The following DPEP2 variants were observed in gnomAD, a reference collection of about 807,000 sequenced individuals.
DPEP2 encodes the protein dipeptidase 2.
A neutral mutation model predicts 51.8 loss-of-function variants in DPEP2; 45 were observed. The observed-to-expected ratio is 0.87, with a 90% CI of 0.68 to 1.11. The LOEUF (loss-of-function observed/expected upper bound fraction) is 1.11, where lower values mean the gene tolerates loss of function less well. Among genes scored for constraint, DPEP2 ranks in the 50% most tolerant of loss-of-function variants. The pLI, the probability that DPEP2 is intolerant of heterozygous loss-of-function variation, is 0.00. For missense variants in DPEP2, 604 were observed against 631.9 expected, an observed-to-expected ratio of 0.96 and a Z score of 0.47; for synonymous variants, 255 against 262.7, an observed-to-expected ratio of 0.97 and a Z score of 0.28.
In DPEP2 at chr16:67,989,318, C is replaced by T. The variant is rs756041659; in HGVS notation, c.1070+5G>A. 6.2e-7 allele frequency: 1 copy of T among 1,614,162 alleles called. No homozygotes were observed. Among genetic ancestry groups the T allele is most frequent in the Admixed American group, 1.7e-5 (1 of 60,026 alleles). On this transcript the variant is annotated splice_donor_5th_base_variant and intron_variant, in intron 9 of 10. Transcript: ENST00000393847. ...CCCAAGACAAGCCACAGGGAAGGCA[C>T]TCACTTGCCGGCCCCATCATAATCT... is the stretch of plus-strand genomic sequence containing the variant.
At chr16:68,000,328 C>T (rs2032947935), upstream of DPEP2, 1 of 562,844 alleles carries the variant, frequency 1.8e-6, no homozygotes, top group Non-Finnish European at 2.3e-6. Flanking sequence ...CTCACTCGCC[C>T]CTACTCATCT....
In DPEP2 at chr16:67,994,893, G is replaced by A. The variant is rs369768902; in HGVS notation, c.-45-1636C>T. 2.4e-4 allele frequency: 238 copies of A among 985,440 alleles called. 6 individuals carry two copies. The South Asian group carries it at 9.2e-3, about 38-fold the overall frequency. The allele number at this position is 985,440 out of a possible 1,614,324, so 61.0% of individuals were successfully genotyped here. ...GTTAACTGTCACGTCTACTGCTGCC[G>A]AAGGGGGTCTTTTTTTGTTTGTTTT... On this transcript the variant is annotated intron_variant, in intron 1 of 10. Coordinates refer to ENST00000393847, the MANE Select transcript of DPEP2 (RefSeq NM_022355.4).
At chr16:67,995,588 C>T (rs2032642491) in intron 1 of DPEP2, among the ~76,000 whole-genome samples, 2 of 152,212 alleles carry the variant, frequency 1.3e-5, no homozygotes, top group African/African-American at 4.8e-5. Context: ...TGGGGATAAA[C>T]AGTTTATTCT....
chr16:67,997,551 T>C (rs889105870), intron 1 of DPEP2, among the ~76,000 whole-genome samples: 1 of 151,738 alleles, frequency 6.6e-6, no homozygotes, highest in Admixed American at 6.6e-5. Flanking sequence ...AGAGACGGGG[T>C]TTCACCGTGT....
intron 1 of DPEP2, chr16:67,993,580 GCT>G (rs750002135): frequency 2.0e-6 from 2 of 1,022,320 alleles, no homozygotes; most frequent in Non-Finnish European, 2.3e-6. Context: ...CTGCCCCTAG[GCT>G]CTCTCTCTAA....
At position 67,991,120 on chromosome 16, in the gene DPEP2, C is replaced by A; in HGVS notation, c.727G>T (p.Gly243Cys). ...YNNISGLTDF[G>C]EKVVAEMNRL... ...GTGTGAACCAGGGTCCTCACCTCAC[C>A]AAAGTCAGTCAGCCCGCTGATGTTG... The change falls in exon 6 of 11, where the codon GGT becomes TGT. Residue 243 changes from glycine (G) to cysteine (C), a missense_variant. By Grantham distance (159) the Gly-to-Cys change is radical. Coordinates refer to ENST00000393847, the MANE Select transcript of DPEP2 (RefSeq NM_022355.4). This position sits in a 1 kb window ranked among gnomAD's most constrained non-coding sequence, Gnocchi z 5.1. The A allele has an allele frequency of 1.2e-6, 2 of 1,614,202 alleles. No homozygotes were observed. Among genetic ancestry groups the A allele is most frequent in the Admixed American group, 3.3e-5 (2 of 60,026 alleles).
intron 1 of DPEP2, among the ~76,000 whole-genome samples, chr16:67,995,999 CAACAAA>C: frequency 6.6e-6 from 1 of 151,912 alleles, no homozygotes. Context: ...ACAACAACAA[CAACAAA>C]AATCACTATG....
chr16:67,989,504 C>T, intron 8 of DPEP2, 106 bp from the exon 9 acceptor site: 2 of 1,190,008 alleles, frequency 1.7e-6, no homozygotes, highest in African/African-American at 1.5e-5. Context: ...GTGGGCCAGG[C>T]AGGCTAATTC....
chr16:67,990,855 G>C lies in DPEP2; in HGVS notation c.875C>G (p.Ala292Gly). 6.2e-7 allele frequency: 1 copy of C among 1,614,076 alleles called. No individual in the cohort carries two copies. ...CAGGATGTCATCAGGAACATTCCGA[G>C]CACTGTTGCACACACCCCGGGCAGC... ...HSAARGVCNS[A>G]RNVPDDILQL... Residue 292 changes from alanine (A) to glycine (G), a missense_variant, in exon 7 of 11, where the codon GCT (alanine) becomes GGT (glycine). Transcript: ENST00000393847.
At position 67,994,050 on chromosome 16, in the gene DPEP2, T is replaced by C. The variant is rs1165621619; in HGVS notation, c.-45-793A>G. 3.0e-6 allele frequency: 3 copies of C among 985,518 alleles called. No homozygotes were observed. In the African/African-American group the frequency reaches 5.2e-5, roughly 17 times the overall value. 61.0% of individuals were successfully genotyped at this position (985,518 alleles called of 1,614,324 possible). On this transcript the variant is annotated intron_variant, in intron 1 of 10. Transcript: ENST00000393847. Reference sequence around the variant, plus strand: ...GAGGGATGAGAGCGCAGCAAGCATCTGGCCACTGCCAGGGAACATTCACTC... The same window carrying C: ...GAGGGATGAGAGCGCAGCAAGCATCCGGCCACTGCCAGGGAACATTCACTC...
At chr16:67,998,007 G>A (rs956822078) in intron 1 of DPEP2, among the ~76,000 whole-genome samples, 1 of 152,172 alleles carries the variant, frequency 6.6e-6, no homozygotes, top group Non-Finnish European at 1.5e-5. Flanking sequence ...GCTCAGGTCT[G>A]TGCCACTGAT....
chr16:67,990,061 A>G lies in DPEP2; in HGVS notation c.980T>C (p.Val327Ala). The change falls in exon 8 of 11, where the codon GTG becomes GCG. Residue 327 changes from valine (V) to alanine (A), a missense_variant. Val to Ala is a moderately conservative substitution (Grantham distance 64). Coordinates refer to ENST00000393847, the MANE Select transcript of DPEP2 (RefSeq NM_022355.4). Reference protein sequence around the residue: ...GVIQCNPSANVSTVADHFDHI... With the variant: ...GVIQCNPSANASTVADHFDHI... ...GAGGGAGTTACCTGCCACAGTGGAC[A>G]CATTGGCTGATGGGTTGCACTGTAT... 6.2e-7 allele frequency: 1 copy of G among 1,614,224 alleles called. No individual in the cohort carries two copies. Among genetic ancestry groups the G allele is most frequent in the Non-Finnish European group, 8.5e-7 (1 of 1,180,026 alleles).
chr16:67,998,005 C>T (rs1435335955), intron 1 of DPEP2, among the ~76,000 whole-genome samples: 1 of 152,226 alleles, frequency 6.6e-6, no homozygotes, highest in Non-Finnish European at 1.5e-5. Context: ...GTGCTCAGGT[C>T]TGTGCCACTG....
intron 1 of DPEP2, chr16:67,993,604 T>C: frequency 2.0e-6 from 2 of 998,608 alleles, no homozygotes; most frequent in Non-Finnish European, 2.4e-6. Context: ...AGAGAGGGCC[T>C]GGGGTGCTTC....
intron 9 of DPEP2, among the ~76,000 whole-genome samples, chr16:67,988,345 G>C (rs773487219): frequency 1.6e-4 from 24 of 151,472 alleles, no homozygotes; most frequent in Non-Finnish European, 3.1e-4. Flanking sequence ...AGGAGTTTGA[G>C]ACCAGCCTGG....
chr16:67,988,400 AGAAAGAAAGAAAG>A (rs2031687152), intron 9 of DPEP2, among the ~76,000 whole-genome samples: 1 of 149,714 alleles, frequency 6.7e-6, no homozygotes, highest in Admixed American at 6.6e-5. Flanking sequence ...CAAAAAAGAA[AGAAAGAAAGAAAG>A]GAAAGAAAGG....
intron 1 of DPEP2, among the ~76,000 whole-genome samples, chr16:67,995,741 A>C (rs1025911150): frequency 2.6e-5 from 4 of 152,140 alleles, no homozygotes; most frequent in Non-Finnish European, 4.4e-5. Flanking sequence ...AGGTGGGTGG[A>C]TCATCTGAGG....
At position 67,991,104 on chromosome 16, in the gene DPEP2, AG is replaced by A; in HGVS notation, c.732+10del. On this transcript the variant is annotated intron_variant, in intron 6 of 10. Transcript: ENST00000393847. This position sits in a 1 kb window ranked among gnomAD's most constrained non-coding sequence, Gnocchi z 5.1. ...ATTTGTTTGGGGTGGAGTGTGAACC[AG>A]GGTCCTCACCTCACCAAAGTCAGTC... 6.2e-7 allele frequency: 1 copy of A among 1,614,232 alleles called. No individual in the cohort carries two copies. The highest frequency in any genetic ancestry group is 1.1e-5 in the South Asian group (1 of 91,090).
At chr16:67,992,224 G>A (rs779063592) in intron 3 of DPEP2, 31 bp from the exon 4 acceptor site, 19 of 1,610,562 alleles carry the variant, frequency 1.2e-5, no homozygotes, top group East Asian at 2.2e-5. Flanking sequence ...TGGCTTGGAT[G>A]GGGGCTGCTT....
Sources: allele counts gnomAD v4.1 joint callset (sites outside exome capture counted in the v4.1 genomes callset), GRCh38; gene constraint gnomAD v4.1.1; non-coding constraint Gnocchi (gnomAD v3.1); transcripts MANE v1.5; gene names NCBI Gene and HGNC (gene_info 2026-07-23, HGNC 2026-07-21).